The following RNF220 variants were observed in gnomAD, a reference collection of about 807,000 sequenced individuals.
The protein encoded by RNF220 is ring finger protein 220, also known as E3 ubiquitin-protein ligase RNF220.
A neutral mutation model predicts 67.1 loss-of-function variants in RNF220; 7 were observed. The ratio of observed to expected loss-of-function variants is 0.10; its 90% CI spans 0.06 to 0.20. The LOEUF (loss-of-function observed/expected upper bound fraction) is 0.20, where lower values mean the gene tolerates loss of function less well. RNF220 is among the 10% of genes least tolerant of loss of function. RNF220 has a pLI of 1.00. For missense variants in RNF220, 565 were observed against 740.3 expected, an observed-to-expected ratio of 0.76 and a Z score of 2.75; for synonymous variants, 270 against 283.2, an observed-to-expected ratio of 0.95 and a Z score of 0.47.
intron 2 of RNF220, among the ~76,000 whole-genome samples, chr1:44,594,532 CT>C (rs1666341596): frequency 6.6e-6 from 1 of 152,208 alleles, no homozygotes; most frequent in South Asian, 2.1e-4. Flanking sequence ...TGCTCTTTTC[CT>C]TTGTCTGGAG....
chr1:44,644,711 C>A lies in RNF220; in HGVS notation c.1140C>A (p.Ile380=). Residue 380 remains isoleucine, a synonymous_variant, in exon 9 of 15, where the codon ATC becomes ATA. Coordinates refer to ENST00000361799, the MANE Select transcript of RNF220 (RefSeq NM_018150.4). The stretch of plus-strand genomic sequence containing the variant: ...TGCTTCCCACAGGCTCTGGCTTCAT[C>A]ATGTGCAGCGGCAAAGAGAACCCGG... The part of the protein sequence containing the change: ...LEGGFRGSGF[I]MCSGKENPDS... 2 of 1,613,998 alleles carry A rather than the reference C, an allele frequency of 1.2e-6. No homozygotes were observed. Among genetic ancestry groups the A allele is most frequent in the Non-Finnish European group, 1.7e-6 (2 of 1,179,942 alleles).
chr1:44,645,635 GC>G lies in RNF220; in HGVS notation c.1445+150del. ...CCCTGGGCACACGGCCGGCAGTGGA[GC>G]CCAGCTGGTGCTAAGCGTGACTCTG... On this transcript the variant is annotated intron_variant, in intron 12 of 14. Transcript: ENST00000361799. The surrounding 1 kb of genome is among the most constrained non-coding windows in gnomAD (Gnocchi z 5.0). 2 of 752,034 alleles carry G rather than the reference GC, an allele frequency of 2.7e-6. No homozygotes were observed. The highest frequency in any genetic ancestry group is 4.4e-6 in the Non-Finnish European group (2 of 451,710). The allele number at this position is 752,034 out of a possible 1,614,324, so 46.6% of individuals were successfully genotyped here. A position where few individuals can be genotyped will look rare whatever the true frequency, so the allele number is the denominator to read the frequency against.
intron 2 of RNF220, among the ~76,000 whole-genome samples, chr1:44,525,957 A>G (rs1328203694): frequency 6.6e-6 from 1 of 152,162 alleles, no homozygotes; most frequent in Non-Finnish European, 1.5e-5. Flanking sequence ...GACCTCCGTT[A>G]GACCTTCAGT....
At chr1:44,572,665 G>A (rs1572917134) in intron 2 of RNF220, among the ~76,000 whole-genome samples, 1 of 151,210 alleles carries the variant, frequency 6.6e-6, no homozygotes, top group East Asian at 2.0e-4. Context: ...ATTCTCCCAG[G>A]CAGGTCTTCT....
At chr1:44,619,485 A>G (rs1327982884) in intron 3 of RNF220, among the ~76,000 whole-genome samples, 1 of 152,212 alleles carries the variant, frequency 6.6e-6, no homozygotes, top group Non-Finnish European at 1.5e-5. Context: ...TGTAACTTAC[A>G]AAGGCGGCTG....
intron 1 of RNF220, chr1:44,408,990 C>G (rs1647689915): frequency 6.6e-6 from 1 of 152,246 alleles, no homozygotes; most frequent in African/African-American, 2.4e-5. Context: ...TTTTTCTGTG[C>G]GAAAGTGGCT....
chr1:44,471,380 C>T (rs1278992998), intron 2 of RNF220, among the ~76,000 whole-genome samples: 2 of 152,068 alleles, frequency 1.3e-5, no homozygotes, highest in African/African-American at 2.4e-5. Flanking sequence ...GAGCCAAGAT[C>T]GTGCCACTGC....
chr1:44,501,896 T>G (rs1373006308), intron 2 of RNF220, among the ~76,000 whole-genome samples: 1 of 152,104 alleles, frequency 6.6e-6, no homozygotes, highest in Non-Finnish European at 1.5e-5. Flanking sequence ...TGTGGAGCTA[T>G]TATACTCTTT....
chr1:44,441,753 C>T (rs750375345), intron 2 of RNF220, among the ~76,000 whole-genome samples: 13 of 152,174 alleles, frequency 8.5e-5, no homozygotes, highest in Non-Finnish European at 1.6e-4. Flanking sequence ...GAGGAGTCAG[C>T]AGCATTTCAT....
At chr1:44,571,428 C>T (rs1664436123) in intron 2 of RNF220, among the ~76,000 whole-genome samples, 1 of 152,172 alleles carries the variant, frequency 6.6e-6, no homozygotes, top group Non-Finnish European at 1.5e-5. Context: ...ATCTCCTTAC[C>T]CTGCTCATTT....
At chr1:44,625,745 A>G (rs1267549838) in intron 4 of RNF220, among the ~76,000 whole-genome samples, 1 of 152,044 alleles carries the variant, frequency 6.6e-6, no homozygotes, top group Non-Finnish European at 1.5e-5. Flanking sequence ...TATGTAGAAG[A>G]GGCCATACAA....
chr1:44,494,935 A>G (rs558716203), intron 2 of RNF220, among the ~76,000 whole-genome samples: 3 of 152,324 alleles, frequency 2.0e-5, no homozygotes, highest in African/African-American at 7.2e-5. Flanking sequence ...GAAACAGGCC[A>G]AGCACAGTGG....
At position 44,417,034 on chromosome 1, in the gene RNF220, G is replaced by A. The variant is rs906209415; in HGVS notation, c.625+4312G>A. ...ATACTTTCCAAGGGCTCTGGGACTG[G>A]GGTGGGCAGGGACTCTACACTGGGC... On this transcript the variant is annotated intron_variant, in intron 2 of 14. Transcript: ENST00000361799. This position sits in a 1 kb window ranked among gnomAD's most constrained non-coding sequence, Gnocchi z 4.0. Among the ~76,000 whole-genome samples, 1 of 152,180 alleles carries A rather than the reference G, an allele frequency of 6.6e-6. No individual in the cohort carries two copies. The highest frequency in any genetic ancestry group is 1.5e-5 in the Non-Finnish European group (1 of 68,030).
In RNF220 at chr1:44,644,810, T is replaced by C; in HGVS notation, c.1223+16T>C. On this transcript the variant is annotated intron_variant, in intron 9 of 14. Transcript: ENST00000361799. ...GGAAGCCACAGTATCCTTGGAGCACTATGGGGGCTGGTGGGGCTGATAGGG... is the reference window on the plus strand; with the variant it reads ...GGAAGCCACAGTATCCTTGGAGCACCATGGGGGCTGGTGGGGCTGATAGGG... 3 of 1,604,946 alleles carry C rather than the reference T, an allele frequency of 1.9e-6. No homozygotes were observed. Among genetic ancestry groups the C allele is most frequent in the Non-Finnish European group, 8.5e-7 (1 of 1,171,766 alleles).
chr1:44,597,358 A>G (rs1178414863), intron 2 of RNF220, among the ~76,000 whole-genome samples: 1 of 152,096 alleles, frequency 6.6e-6, no homozygotes, highest in African/African-American at 2.4e-5. Flanking sequence ...CTTTGGGGGG[A>G]AAAGGGGCAA....
chr1:44,436,461 A>G (rs1650985163), intron 2 of RNF220, among the ~76,000 whole-genome samples: 2 of 152,194 alleles, frequency 1.3e-5, no homozygotes, highest in African/African-American at 2.4e-5. Context: ...AAGGCCCAAC[A>G]GTGTACAGCA....
intron 2 of RNF220, among the ~76,000 whole-genome samples, chr1:44,583,221 T>C (rs1446015303): frequency 6.6e-6 from 1 of 152,034 alleles, no homozygotes; most frequent in Non-Finnish European, 1.5e-5. Context: ...AGCAGATATA[T>C]ATATATATAT....
At chr1:44,561,308 A>G (rs929940065) in intron 2 of RNF220, among the ~76,000 whole-genome samples, 3 of 152,014 alleles carry the variant, frequency 2.0e-5, no homozygotes, top group Admixed American at 6.6e-5. Flanking sequence ...TCAGGAGTTC[A>G]AGACTAGCCT....
chr1:44,572,520 G>T (rs1285370609), intron 2 of RNF220, among the ~76,000 whole-genome samples: 1 of 152,206 alleles, frequency 6.6e-6, no homozygotes, highest in Non-Finnish European at 1.5e-5. Context: ...TTAAAGCTCA[G>T]CACAAAGTGG....
Sources: gnomAD v4.1 joint callset for allele counts (sites outside exome capture counted in the v4.1 genomes callset) on GRCh38, gnomAD v4.1.1 for gene constraint, Gnocchi (gnomAD v3.1) non-coding constraint, MANE v1.5 for transcripts, NCBI Gene and HGNC (gene_info 2026-07-23, HGNC 2026-07-21) for gene names.